The following UBE2E2 variants were observed in gnomAD, a reference collection of about 807,000 sequenced individuals.
UBE2E2 encodes ubiquitin conjugating enzyme E2 E2, also known as ubiquitin-conjugating enzyme E2 E2.
A neutral mutation model predicts 24.7 loss-of-function variants in UBE2E2; 6 were observed. The ratio of observed to expected loss-of-function variants is 0.24; its 90% CI spans 0.13 to 0.48. The LOEUF (loss-of-function observed/expected upper bound fraction) is 0.48. Ranked by LOEUF, UBE2E2 falls within the 20% of genes least tolerant of loss-of-function variation. UBE2E2 has a pLI of 0.99. For synonymous variants in UBE2E2, 104 were observed against 83.6 expected (o/e 1.24, Z -1.33); for missense variants, 169 against 245.0 (o/e 0.69, Z 2.07).
At chr3:23,355,712 C>T (rs181083440) in intron 3 of UBE2E2, among the ~76,000 whole-genome samples, 86 of 152,254 alleles carry the variant, frequency 5.6e-4, no homozygotes, top group African/African-American at 1.9e-3. Flanking sequence ...TCACAGTCTC[C>T]GTAGATACTA....
intron 3 of UBE2E2, among the ~76,000 whole-genome samples, chr3:23,223,854 C>T (rs13063185): frequency 0.075 from 11,353 of 152,100 alleles, 537 homozygotes; most frequent in Non-Finnish European, 0.092. Context: ...TAGTTTCATT[C>T]TTCATATATA....
intron 3 of UBE2E2, among the ~76,000 whole-genome samples, chr3:23,221,713 T>C (rs1382579953): frequency 2.6e-5 from 4 of 152,072 alleles, no homozygotes; most frequent in Non-Finnish European, 4.4e-5. Context: ...CTTGGCTCCC[T>C]GCAAGCTCCA....
At chr3:23,227,245 G>C (rs1304317572) in intron 3 of UBE2E2, among the ~76,000 whole-genome samples, 1 of 152,050 alleles carries the variant, frequency 6.6e-6, no homozygotes, top group Non-Finnish European at 1.5e-5. Context: ...GTAATTAATT[G>C]CATTTTGTGT....
chr3:23,497,817 G>A (rs1373014296), intron 3 of UBE2E2, among the ~76,000 whole-genome samples: 1 of 152,056 alleles, frequency 6.6e-6, no homozygotes, highest in Non-Finnish European at 1.5e-5. Context: ...CCCACGCAAT[G>A]CAGACCCTGT....
intron 5 of UBE2E2, among the ~76,000 whole-genome samples, chr3:23,563,771 A>T (rs1474003709): frequency 6.6e-6 from 1 of 152,148 alleles, no homozygotes; most frequent in Admixed American, 6.6e-5. Context: ...AAATAAAATT[A>T]AAAGGATCAT....
Position 23,499,622 on chromosome 3 carries a change from G to A in UBE2E2, c.242G>A (p.Gly81Glu). ...TCTTATTTCAGTGCTGGACCCAAAG[G>A]AGACAACATTTATGAATGGAGGTCA... is the stretch of plus-strand genomic sequence containing the variant. ...PPPNCSAGPK[G>E]DNIYEWRSTI... The change falls in exon 4 of 6, where the codon GGA (glycine) becomes GAA (glutamate). Residue 81 changes from glycine (G) to glutamate (E), a missense_variant. Coordinates refer to ENST00000396703, the MANE Select transcript of UBE2E2 (RefSeq NM_152653.4). The A allele has an allele frequency of 6.2e-7, 1 of 1,613,342 alleles. No homozygotes were observed. The highest frequency in any genetic ancestry group is 8.5e-7 in the Non-Finnish European group (1 of 1,179,728).
At chr3:23,281,538 T>TG (rs1165095165) in intron 3 of UBE2E2, among the ~76,000 whole-genome samples, 1 of 152,114 alleles carries the variant, frequency 6.6e-6, no homozygotes, top group East Asian at 1.9e-4. Context: ...TCTGAGAGGC[T>TG]GAGGTGGGAG....
chr3:23,422,873 C>T (rs1193449689), intron 3 of UBE2E2, among the ~76,000 whole-genome samples: 2 of 152,010 alleles, frequency 1.3e-5, no homozygotes, highest in Non-Finnish European at 2.9e-5. Flanking sequence ...TTTCAAGTTC[C>T]TTTTTATCTT....
In UBE2E2 at chr3:23,519,159, G is replaced by T. The variant is rs113247846; in HGVS notation, c.361-13395G>T. Among the ~76,000 whole-genome samples the T allele has an allele frequency of 5.5e-3, 832 of 151,958 alleles. 9 individuals are homozygous for T. Among genetic ancestry groups the T allele is most frequent in the African/African-American group, 0.019 (794 of 41,436 alleles). On this transcript the variant is annotated intron_variant, in intron 4 of 5. Transcript: ENST00000396703. ...CCAATATTTGTATGTCAGGTTGGTT[G>T]CAAGGGGGTCATATATCAAGCAAGA...
chr3:23,378,063 A>T (rs1015150088), intron 3 of UBE2E2, among the ~76,000 whole-genome samples: 6 of 152,074 alleles, frequency 3.9e-5, no homozygotes, highest in African/African-American at 1.4e-4. Context: ...ATCTGCTATA[A>T]TGTGAGATAT....
intron 3 of UBE2E2, among the ~76,000 whole-genome samples, chr3:23,391,494 A>G (rs894093463): frequency 7.2e-5 from 11 of 152,334 alleles, no homozygotes; most frequent in African/African-American, 2.6e-4. Flanking sequence ...CCACTGTCAC[A>G]GGAGGCTTAA....
At chr3:23,411,235 A>C (rs934316911) in intron 3 of UBE2E2, among the ~76,000 whole-genome samples, 22 of 152,180 alleles carry the variant, frequency 1.4e-4, no homozygotes, top group Non-Finnish European at 3.2e-4. Context: ...GATAAAAGTC[A>C]GGGTCAGCAA....
At chr3:23,452,349 T>G (rs781473327) in intron 3 of UBE2E2, among the ~76,000 whole-genome samples, 5 of 152,188 alleles carry the variant, frequency 3.3e-5, no homozygotes, top group Admixed American at 3.3e-4. Context: ...AGAATCTTTT[T>G]TTTTTCTGTT....
At chr3:23,248,792 AG>A (rs1412717939) in intron 3 of UBE2E2, among the ~76,000 whole-genome samples, 15 of 152,178 alleles carry the variant, frequency 9.9e-5, no homozygotes, top group Admixed American at 9.2e-4. Flanking sequence ...AGTGATTTTT[AG>A]TCTTTCCTAA....
chr3:23,348,293 G>A lies in UBE2E2; in HGVS notation c.227+130981G>A, dbSNP rs1205982894. On this transcript the variant is annotated intron_variant, in intron 3 of 5. Transcript: ENST00000396703. Reference sequence around the variant, plus strand: ...CCACTGGTGGAATTCTGTGATGGGGGAACAGGAAATCTGGACACAGAAGGG... The same window carrying A: ...CCACTGGTGGAATTCTGTGATGGGGAAACAGGAAATCTGGACACAGAAGGG... Among the ~76,000 whole-genome samples the A allele has an allele frequency of 2.8e-5, 4 of 145,452 alleles. No homozygotes were observed. In the South Asian group the frequency reaches 6.5e-4, roughly 24 times the overall value.
chr3:23,480,685 A>T (rs537005371), intron 3 of UBE2E2, among the ~76,000 whole-genome samples: 1 of 152,318 alleles, frequency 6.6e-6, no homozygotes, highest in South Asian at 2.1e-4. Flanking sequence ...ATAAAGGTGG[A>T]AAATAAAAGC....
intron 3 of UBE2E2, among the ~76,000 whole-genome samples, chr3:23,300,620 CT>C (rs1456352324): frequency 6.6e-6 from 1 of 152,206 alleles, no homozygotes. Context: ...TCCCCACTGT[CT>C]TCTGGCTTGT....
At chr3:23,453,239 T>C (rs1187523638) in intron 3 of UBE2E2, among the ~76,000 whole-genome samples, 1 of 152,328 alleles carries the variant, frequency 6.6e-6, no homozygotes, top group East Asian at 1.9e-4. Flanking sequence ...AGTTGTGGTG[T>C]TTTCAACTTA....
At chr3:23,319,693 T>C (rs1289809450) in intron 3 of UBE2E2, among the ~76,000 whole-genome samples, 1 of 139,460 alleles carries the variant, frequency 7.2e-6, no homozygotes, top group Non-Finnish European at 1.6e-5. Context: ...CAGGGGCCTA[T>C]AGTCCTAGCT....
Sources: allele counts gnomAD v4.1 joint callset (sites outside exome capture counted in the v4.1 genomes callset), GRCh38; gene constraint gnomAD v4.1.1; transcripts MANE v1.5; gene names NCBI Gene and HGNC (gene_info 2026-07-23, HGNC 2026-07-21).